The following TRIM14 variants were observed in gnomAD, a reference collection of about 807,000 sequenced individuals.
TRIM14 encodes tripartite motif containing 14.
TRIM14 carries 28 observed loss-of-function variants against 44.5 expected under a neutral mutation model. The observed-to-expected ratio is 0.63, with a 90% confidence interval of 0.47 to 0.86. The LOEUF (loss-of-function observed/expected upper bound fraction) is 0.86, where lower values mean the gene tolerates loss of function less well. TRIM14 is among the 40% of genes least tolerant of loss of function. TRIM14 has a pLI of 0.00. For synonymous variants in TRIM14, 299 were observed against 269.2 expected, an observed-to-expected ratio of 1.11 and a Z score of -1.08; for missense variants, 607 against 611.1, an observed-to-expected ratio of 0.99 and a Z score of 0.07.
At chr9:98,075,472 AAGGAAGGGAGGGAGGGAAGGAGAC>A (rs1481525416) in intron 6 of TRIM14, 1 of 141,988 alleles carries the variant, frequency 7.0e-6, no homozygotes, top group Admixed American at 7.1e-5. Flanking sequence ...GGGAGGGAGG[AAGGAAGGGAGGGAGGGAAGGAGAC>A]AGGAAGGGAG....
intron 6 of TRIM14, chr9:98,078,250 AT>A (rs1321221210): frequency 1.2e-6 from 2 of 1,614,158 alleles, no homozygotes; most frequent in Non-Finnish European, 1.7e-6. Flanking sequence ...AAGCAAGTTT[AT>A]CAGATCGTGA....
chr9:98,051,914 A>AGGGGTGGG, the TRIM14 span, among the ~76,000 whole-genome samples: 5 of 151,816 alleles, frequency 3.3e-5, no homozygotes, highest in African/African-American at 1.2e-4. Flanking sequence ...GGTGGGGTGG[A>AGGGGTGGG]GATGTTTCCA....
Position 98,088,154 on chromosome 9 carries a change from C to A in TRIM14, c.794-149G>T. ...GGTGACAGACCCCTTTAAACCGCGA[C>A]TGCCCCTGGGGCGGGGTCTTGGGGA... On this transcript the variant is annotated intron_variant, in intron 5 of 5. Transcript: ENST00000341469. The A allele has an allele frequency of 6.9e-6, 6 of 873,174 alleles. No individual in the cohort carries two copies. In the South Asian group the frequency reaches 1.3e-4, roughly 18 times the overall value. 54.1% of individuals were successfully genotyped at this position (873,174 alleles called of 1,614,324 possible). A position where few individuals can be genotyped will look rare whatever the true frequency, so the allele number is the denominator to read the frequency against.
chr9:98,102,761 G>C (rs1034687116), intron 2 of TRIM14, among the ~76,000 whole-genome samples: 2 of 152,108 alleles, frequency 1.3e-5, no homozygotes, highest in African/African-American at 4.8e-5. Flanking sequence ...AGACACAGGT[G>C]ATGGCTATAC....
intron 6 of TRIM14, among the ~76,000 whole-genome samples, chr9:98,072,299 G>C (rs1564160915): frequency 6.6e-6 from 1 of 152,202 alleles, no homozygotes; most frequent in Non-Finnish European, 1.5e-5. Flanking sequence ...AGAACCCTTT[G>C]GAGTTTTTCT....
chr9:98,103,133 C>T (rs1265227471), intron 2 of TRIM14, among the ~76,000 whole-genome samples: 1 of 151,794 alleles, frequency 6.6e-6, no homozygotes, highest in African/African-American at 2.4e-5. Flanking sequence ...TGCAGTGAGC[C>T]GAGATCATGC....
chr9:98,118,900 A>G, intron 1 of TRIM14, 82 bp downstream of exon 1: 1 of 1,377,558 alleles, frequency 7.3e-7, no homozygotes, highest in Non-Finnish European at 9.4e-7. Context: ...GGCCACGGCC[A>G]GGCACGCCCC....
intron 2 of TRIM14, among the ~76,000 whole-genome samples, chr9:98,106,810 T>C (rs1826628581): frequency 1.1e-5 from 1 of 95,036 alleles, no homozygotes; most frequent in Non-Finnish European, 2.2e-5. Context: ...ACAAACTCTT[T>C]TTCTTTTCTT....
chr9:98,112,797 CAAAAA>C (rs34150823), intron 1 of TRIM14, among the ~76,000 whole-genome samples: 3 of 68,396 alleles, frequency 4.4e-5, no homozygotes, highest in Non-Finnish European at 8.1e-5. Flanking sequence ...GACTCAATCT[CAAAAA>C]AAAAAAAAAA....
At chr9:98,103,814 G>A (rs1217272960) in intron 2 of TRIM14, among the ~76,000 whole-genome samples, 1 of 141,494 alleles carries the variant, frequency 7.1e-6, no homozygotes, top group Non-Finnish European at 1.5e-5. Context: ...CTCCAGCCTG[G>A]CAACAGAGCG....
At chr9:98,054,358 C>A in the TRIM14 span, among the ~76,000 whole-genome samples, 1 of 152,128 alleles carries the variant, frequency 6.6e-6, no homozygotes, top group Non-Finnish European at 1.5e-5. Context: ...GAGAAGTCTC[C>A]CCGAAATCTT....
chr9:98,083,592 G>A (rs780430554), downstream of TRIM14, among the ~76,000 whole-genome samples: 2 of 152,232 alleles, frequency 1.3e-5, no homozygotes, highest in Non-Finnish European at 2.9e-5. Context: ...AGAGGGAAAT[G>A]GCATGTGTTC....
chr9:98,076,953 A>G, intron 6 of TRIM14: 2 of 1,612,472 alleles, frequency 1.2e-6, no homozygotes, highest in Non-Finnish European at 1.7e-6. Context: ...TGAATGTTCC[A>G]TTTTTCAAAG....
Position 98,094,856 on chromosome 9 carries a change from C to G in TRIM14, c.700+11G>C, listed in dbSNP as rs531243732. 1.1e-5 allele frequency: 18 copies of G among 1,612,020 alleles called. No homozygotes were observed. In the Admixed American group the frequency reaches 1.5e-4, roughly 13 times the overall value. ...AGTTAAGGACACAAAGTTGGTCACT[C>G]GGCGACTTACTTTCCTTAAGGCGAA... On this transcript the variant is annotated intron_variant, in intron 4 of 5. Coordinates refer to ENST00000341469, the MANE Select transcript of TRIM14 (RefSeq NM_014788.4).
chr9:98,095,892 C>G lies in TRIM14; in HGVS notation c.538-863G>C, dbSNP rs749619694. Among the ~76,000 whole-genome samples the G allele has an allele frequency of 3.9e-5, 6 of 152,206 alleles. No homozygotes were observed. The highest frequency in any genetic ancestry group is 8.8e-5 in the Non-Finnish European group (6 of 68,040). The stretch of plus-strand genomic sequence containing the variant: ...GGAGTCTGGACTTCATTCCTGCTGC[C>G]CATCTTCCATCCCGACTCTCTGGCC... On this transcript the variant is annotated intron_variant, in intron 3 of 5. Transcript: ENST00000341469. The surrounding 1 kb of genome is among the most constrained non-coding windows in gnomAD (Gnocchi z 4.1).
At chr9:98,091,870 C>G (rs1180087189) in intron 5 of TRIM14, 39 bp downstream of exon 5, 1 of 1,412,854 alleles carries the variant, frequency 7.1e-7, no homozygotes, top group African/African-American at 1.4e-5. Flanking sequence ...CCCACCATCT[C>G]CACCGTCTCC....
At position 98,118,978 on chromosome 9, in the gene TRIM14, C is replaced by G; in HGVS notation, c.207+4G>C. On this transcript the variant is annotated splice_donor_region_variant and intron_variant, in intron 1 of 5. Transcript: ENST00000341469. ...GCGGCGAACCCCGTCCCCATCGTCC[C>G]CACCTGCACGTGCACCGCTGCCTCC... 1 of 1,536,354 alleles carries G rather than the reference C, an allele frequency of 6.5e-7. No homozygotes were observed. The highest frequency in any genetic ancestry group is 8.7e-7 in the Non-Finnish European group (1 of 1,150,586).
intron 1 of TRIM14, among the ~76,000 whole-genome samples, chr9:98,117,502 T>C (rs1288679922): frequency 6.6e-6 from 1 of 152,162 alleles, no homozygotes; most frequent in African/African-American, 2.4e-5. Context: ...TTTCCCCATG[T>C]TGGCCAGGCC....
rs10606237 is a variant in TRIM14, at chr9:98,073,271, CTTTTTTTTTTTTTTTTTTTTT to C, written c.*29-3605_*29-3585del. ...GTTCTCCCCAGCTCATCACCATGGG[CTTTTTTTTTTTTTTTTTTTTT>C]TTTTTTTTTTGAGACGGAGTCTTGC... On this transcript the variant is annotated intron_variant, in intron 6 of 6. Transcript: ENST00000375098. 3.5e-5 allele frequency among the ~76,000 whole-genome samples: 2 copies of C among 57,826 alleles called. 1 individual carries two copies. Among genetic ancestry groups the C allele is most frequent in the African/African-American group, 1.8e-4 (2 of 11,414 alleles). 37.9% of individuals were successfully genotyped at this position (57,826 alleles called of 152,430 possible).
Sources: gnomAD v4.1 joint callset for allele counts (sites outside exome capture counted in the v4.1 genomes callset) on GRCh38, gnomAD v4.1.1 for gene constraint, Gnocchi (gnomAD v3.1) non-coding constraint, MANE v1.5 for transcripts, NCBI Gene and HGNC (gene_info 2026-07-23, HGNC 2026-07-21) for gene names.